AGO3: variants seen among roughly 807,000 people sequenced by gnomAD.
AGO3 encodes the protein protein argonaute-3.
Under a neutral mutation model 105.5 loss-of-function variants are expected in AGO3, and 16 were observed. That is an observed-to-expected ratio of 0.15 (90% CI 0.10 to 0.23). The LOEUF is 0.23. AGO3 is among the 10% of genes least tolerant of loss of function. The probability of loss-of-function intolerance (pLI) is 1.00; values close to 1 mark genes in which losing one functional copy is unlikely to be tolerated. For synonymous variants in AGO3, 340 were observed against 367.3 expected (o/e 0.93, Z 0.85); for missense variants, 534 against 1,088.0 (o/e 0.49, Z 7.16).
At chr1:35,932,556 A>T (rs1016520998) in intron 1 of AGO3, among the ~76,000 whole-genome samples, 1 of 143,158 alleles carries the variant, frequency 7.0e-6, no homozygotes, top group African/African-American at 2.5e-5. Flanking sequence ...AGAGTTACAA[A>T]TTTTTTTTTT....
chr1:35,984,281 G>A (rs1325623111), intron 5 of AGO3, among the ~76,000 whole-genome samples: 1 of 152,142 alleles, frequency 6.6e-6, no homozygotes, highest in Non-Finnish European at 1.5e-5. Flanking sequence ...GCTGCAGTGA[G>A]CTGTAATTGA....
intron 12 of AGO3, among the ~76,000 whole-genome samples, chr1:36,031,910 G>T (rs274729): frequency 0.065 from 9,676 of 148,514 alleles, 944 homozygotes; most frequent in African/African-American, 0.21. Context: ...GGGGGCGGGG[G>T]GTGTGTGTGT....
chr1:35,947,454 T>G (rs905708475), intron 2 of AGO3, among the ~76,000 whole-genome samples: 1 of 152,106 alleles, frequency 6.6e-6, no homozygotes, highest in Non-Finnish European at 1.5e-5. Context: ...CATTGTGGTG[T>G]TTTTAGTGCA....
chr1:36,036,799 A>G (rs1011650939), intron 14 of AGO3, among the ~76,000 whole-genome samples: 2 of 152,070 alleles, frequency 1.3e-5, no homozygotes, highest in Admixed American at 1.3e-4. Flanking sequence ...GGTTCAAGCG[A>G]TTATCCTGCC....
At chr1:35,954,980 A>G (rs1347032472) in intron 2 of AGO3, among the ~76,000 whole-genome samples, 1 of 152,238 alleles carries the variant, frequency 6.6e-6, no homozygotes, top group African/African-American at 2.4e-5. Flanking sequence ...ACAGGGAGAA[A>G]GAATAATCCA....
At chr1:35,968,725 G>T (rs1218448428) in intron 3 of AGO3, among the ~76,000 whole-genome samples, 1 of 152,134 alleles carries the variant, frequency 6.6e-6, no homozygotes, top group Non-Finnish European at 1.5e-5. Flanking sequence ...ATTGAACTCT[G>T]CTTTCGGTTC....
chr1:35,939,107 A>G (rs570638462), intron 1 of AGO3, among the ~76,000 whole-genome samples: 1 of 152,338 alleles, frequency 6.6e-6, no homozygotes, highest in South Asian at 2.1e-4. Context: ...TCTAGTGGGC[A>G]GTATGTATTT....
At chr1:36,036,319 T>G (rs1642006312) in intron 14 of AGO3, 52 bp downstream of exon 14, 1 of 1,520,576 alleles carries the variant, frequency 6.6e-7, no homozygotes, top group East Asian at 2.3e-5. Context: ...CAGTATCAAT[T>G]TTGCAGTTTC....
intron 17 of AGO3, among the ~76,000 whole-genome samples, chr1:36,046,623 TAAAAAAAAAAA>T (rs3073806): frequency 0.025 from 873 of 34,510 alleles, 31 homozygotes; most frequent in African/African-American, 0.078. Flanking sequence ...AGTCTCTATT[TAAAAAAAAAAA>T]AAAAAAAAAA....
chr1:35,979,920 A>G (rs1647021620), intron 5 of AGO3, among the ~76,000 whole-genome samples: 1 of 152,132 alleles, frequency 6.6e-6, no homozygotes, highest in South Asian at 2.1e-4. Context: ...CCAGATATAG[A>G]TAGGAAGGAC....
intron 9 of AGO3, 161 bp from the exon 10 acceptor site, chr1:36,013,469 C>A (rs1251694674): frequency 1.1e-6 from 1 of 904,816 alleles, no homozygotes; most frequent in Non-Finnish European, 1.6e-6. Context: ...ACCCATGGTC[C>A]CCAGGTTAAG....
At position 36,044,797 on chromosome 1, in the gene AGO3, T is replaced by C. The variant is rs1403623452; in HGVS notation, c.2274+1249T>C. 2.6e-5 allele frequency among the ~76,000 whole-genome samples: 4 copies of C among 152,236 alleles called. No individual in the cohort carries two copies. In the East Asian group the frequency reaches 7.7e-4, roughly 29 times the overall value. On this transcript the variant is annotated intron_variant, in intron 17 of 18. Coordinates refer to ENST00000373191, the MANE Select transcript of AGO3 (RefSeq NM_024852.4). ...TTTCTTATTCTTTCCAGAAAACCTT[T>C]TCATTAATGTGTTAGCTTTACTTGG... is the stretch of plus-strand genomic sequence containing the variant.
chr1:35,976,490 T>C (rs898224327), intron 5 of AGO3, among the ~76,000 whole-genome samples: 2 of 152,200 alleles, frequency 1.3e-5, no homozygotes, highest in African/African-American at 4.8e-5. Flanking sequence ...TAATTTTTTT[T>C]ATCAGATTAT....
chr1:35,958,106 G>C (rs1646604659), intron 2 of AGO3, among the ~76,000 whole-genome samples: 1 of 150,100 alleles, frequency 6.7e-6, no homozygotes, highest in East Asian at 2.0e-4. Context: ...GTCCTGGCCA[G>C]GCGTGGTGGC....
intron 2 of AGO3, among the ~76,000 whole-genome samples, chr1:35,964,047 GAT>G (rs139360593): frequency 6.6e-6 from 1 of 151,020 alleles, no homozygotes. Flanking sequence ...ATCAAAGCAG[GAT>G]ATATATATAT....
At chr1:36,010,448 G>A (rs918656248) in intron 9 of AGO3, among the ~76,000 whole-genome samples, 9 of 151,686 alleles carry the variant, frequency 5.9e-5, no homozygotes, top group Non-Finnish European at 1.3e-4. Context: ...TACTAAAAAC[G>A]CAAAAATCAG....
intron 2 of AGO3, among the ~76,000 whole-genome samples, chr1:35,965,806 A>G (rs1479673203): frequency 6.7e-6 from 1 of 149,028 alleles, no homozygotes; most frequent in Non-Finnish European, 1.5e-5. Context: ...TAACTGAGGT[A>G]GACTTGAATC....
At chr1:36,046,856 G>A (rs1334174289) in intron 17 of AGO3, among the ~76,000 whole-genome samples, 1 of 152,096 alleles carries the variant, frequency 6.6e-6, no homozygotes, top group East Asian at 1.9e-4. Flanking sequence ...GGGAATTGGT[G>A]CCCTGGAAGA....
At chr1:35,931,901 A>T (rs983092896) in intron 1 of AGO3, among the ~76,000 whole-genome samples, 1 of 152,218 alleles carries the variant, frequency 6.6e-6, no homozygotes, top group African/African-American at 2.4e-5. Flanking sequence ...TGTTGGTGCA[A>T]CGTTAAATTC....
Sources: gnomAD v4.1 joint callset for allele counts (sites outside exome capture counted in the v4.1 genomes callset) on GRCh38, gnomAD v4.1.1 for gene constraint, MANE v1.5 for transcripts, NCBI Gene and HGNC (gene_info 2026-07-23, HGNC 2026-07-21) for gene names.